CSMD1: variants seen among roughly 807,000 people sequenced by gnomAD.
CSMD1 encodes CUB and Sushi multiple domains 1.
A neutral mutation model predicts 417.5 loss-of-function variants in CSMD1; 213 were observed. The ratio of observed to expected loss-of-function variants is 0.51; its 90% confidence interval spans 0.46 to 0.57. The LOEUF (loss-of-function observed/expected upper bound fraction) is 0.57. Among genes scored for constraint, CSMD1 ranks in the 20% least tolerant of loss-of-function variants. CSMD1 has a pLI of 0.00. For missense variants in CSMD1, 6,923 were observed against 4,529.7 expected (o/e 1.53, Z -15.17); for synonymous variants, 2,862 against 1,736.8 (o/e 1.65, Z -16.11).
At chr8:4,384,890 C>T (rs780419469) in intron 3 of CSMD1, among the ~76,000 whole-genome samples, 5 of 152,166 alleles carry the variant, frequency 3.3e-5, no homozygotes, top group Admixed American at 2.6e-4. Context: ...TTTCTGGTGA[C>T]TATCAACAGA....
intron 41 of CSMD1, among the ~76,000 whole-genome samples, chr8:3,119,086 G>C (rs924005059): frequency 6.6e-6 from 1 of 151,914 alleles, no homozygotes; most frequent in Non-Finnish European, 1.5e-5. Flanking sequence ...AGGCTGAGGC[G>C]GGAGAATGGC....
intron 3 of CSMD1, among the ~76,000 whole-genome samples, chr8:4,333,688 T>C (rs1038703962): frequency 6.6e-6 from 1 of 152,092 alleles, no homozygotes; most frequent in Non-Finnish European, 1.5e-5. Context: ...TACGATACCA[T>C]TTAATGAGAA....
chr8:3,848,371 A>ATT (rs145037870), intron 5 of CSMD1, among the ~76,000 whole-genome samples: 12 of 152,040 alleles, frequency 7.9e-5, no homozygotes, highest in African/African-American at 2.4e-4. Context: ...AAAAAGACTC[A>ATT]TTTTTTTTCT....
At chr8:3,765,584 T>C (rs916226507) in intron 5 of CSMD1, among the ~76,000 whole-genome samples, 1 of 152,236 alleles carries the variant, frequency 6.6e-6, no homozygotes, top group Non-Finnish European at 1.5e-5. Context: ...TTCTAAATGG[T>C]TTCTTTACTT....
intron 1 of CSMD1, among the ~76,000 whole-genome samples, chr8:4,922,728 G>T (rs947494657): frequency 7.9e-5 from 12 of 152,118 alleles, no homozygotes; most frequent in African/African-American, 2.7e-4. Flanking sequence ...TGCATTCTGT[G>T]TTCTCACGCC....
intron 6 of CSMD1, among the ~76,000 whole-genome samples, chr8:3,722,108 C>T (rs757203508): frequency 2.6e-5 from 4 of 151,952 alleles, no homozygotes; most frequent in East Asian, 3.9e-4. Context: ...TTTGGGAGGC[C>T]GAGGCAGGTG....
rs1304220399 is a variant in CSMD1, at chr8:2,958,294, G to A, written c.9703-487C>T. Among the ~76,000 whole-genome samples the A allele has an allele frequency of 2.6e-5, 4 of 152,226 alleles. No individual in the cohort carries two copies. In the East Asian group the frequency reaches 5.8e-4, roughly 22 times the overall value. ...ATTTACTGTTGTCTGAATGTCTGAG[G>A]CGTCTTCCTCACCAGGTCTTCACAA... On this transcript the variant is annotated intron_variant, in intron 62 of 69. Transcript: ENST00000635120.
At chr8:4,834,977 A>G (rs868046039) in intron 1 of CSMD1, among the ~76,000 whole-genome samples, 1 of 32,238 alleles carries the variant, frequency 3.1e-5, no homozygotes, top group African/African-American at 5.3e-5. Context: ...AAAAAAAAAA[A>G]AAAGAAAGAA....
chr8:3,913,200 G>C (rs1298794332), intron 5 of CSMD1, among the ~76,000 whole-genome samples: 1 of 152,134 alleles, frequency 6.6e-6, no homozygotes, highest in East Asian at 1.9e-4. Context: ...ATATTGGTTG[G>C]AGGTCAGAAC....
intron 38 of CSMD1, among the ~76,000 whole-genome samples, chr8:3,158,669 T>C (rs1819690050): frequency 6.6e-6 from 1 of 152,008 alleles, no homozygotes; most frequent in Admixed American, 6.5e-5. Context: ...GAGGGTTAAA[T>C]TCAAAGATGT....
intron 3 of CSMD1, among the ~76,000 whole-genome samples, chr8:4,280,573 A>G (rs941116218): frequency 6.6e-6 from 1 of 152,214 alleles, no homozygotes; most frequent in Non-Finnish European, 1.5e-5. Flanking sequence ...TTGAGACTGC[A>G]GCTATGCTGG....
At chr8:4,285,029 A>T (rs1178582359) in intron 3 of CSMD1, among the ~76,000 whole-genome samples, 1 of 152,114 alleles carries the variant, frequency 6.6e-6, no homozygotes, top group Non-Finnish European at 1.5e-5. Flanking sequence ...TGGTGTCCAC[A>T]CCATAAAACT....
intron 1 of CSMD1, among the ~76,000 whole-genome samples, chr8:4,750,686 T>G (rs1811260309): frequency 6.6e-6 from 1 of 152,106 alleles, no homozygotes; most frequent in African/African-American, 2.4e-5. Context: ...TCATTGTGAT[T>G]AAACTGTGTA....
intron 2 of CSMD1, among the ~76,000 whole-genome samples, chr8:4,487,341 G>C (rs1288037159): frequency 1.3e-5 from 2 of 152,062 alleles, no homozygotes; most frequent in East Asian, 1.9e-4. Flanking sequence ...ACAGTCCCCA[G>C]AGTGTGATGT....
At chr8:4,985,945 A>G (rs976902318) in intron 1 of CSMD1, among the ~76,000 whole-genome samples, 3 of 152,192 alleles carry the variant, frequency 2.0e-5, no homozygotes, top group African/African-American at 7.2e-5. Context: ...ATGAATTGTT[A>G]GTTTCTTGTA....
intron 5 of CSMD1, among the ~76,000 whole-genome samples, chr8:3,964,906 C>T (rs1812568031): frequency 1.3e-5 from 2 of 152,138 alleles, no homozygotes; most frequent in Admixed American, 1.3e-4. Context: ...AAGTTCAATA[C>T]AATTAAGTTC....
In CSMD1 at chr8:4,220,141, G is replaced by C. The variant is rs137959713; in HGVS notation, c.416-188042C>G. ...ATTTTTTGTATTTTCAGTAGAGACA[G>C]GGTTTTGCCATGTCGGCCAAGCTCG... is the stretch of plus-strand genomic sequence containing the variant. On this transcript the variant is annotated intron_variant, in intron 3 of 69. Transcript: ENST00000635120. 8.9e-3 allele frequency among the ~76,000 whole-genome samples: 1,361 copies of C among 152,246 alleles called. 13 individuals carry two copies. Among genetic ancestry groups the C allele is most frequent in the African/African-American group, 0.03 (1,256 of 41,550 alleles).
chr8:4,694,567 A>G (rs1476988251), intron 1 of CSMD1, among the ~76,000 whole-genome samples: 1 of 151,698 alleles, frequency 6.6e-6, no homozygotes, highest in African/African-American at 2.4e-5. Context: ...GTTTCACCAT[A>G]TTAGCCAGGA....
At chr8:3,685,460 G>C (rs1428919539) in intron 7 of CSMD1, among the ~76,000 whole-genome samples, 1 of 152,114 alleles carries the variant, frequency 6.6e-6, no homozygotes, top group African/African-American at 2.4e-5. Context: ...GCTTTAATCG[G>C]ATGCTGCAGC....
Sources: allele counts gnomAD v4.1 joint callset (sites outside exome capture counted in the v4.1 genomes callset), GRCh38; gene constraint gnomAD v4.1.1; transcripts MANE v1.5; gene names NCBI Gene and HGNC (gene_info 2026-07-23, HGNC 2026-07-21).